The following POR variants were observed in gnomAD, a reference collection of about 807,000 sequenced individuals.
POR encodes the protein cytochrome p450 oxidoreductase.
A neutral mutation model predicts 84.0 loss-of-function variants in POR; 56 were observed. The observed-to-expected ratio is 0.67, with a 90% CI of 0.54 to 0.83. POR has a LOEUF of 0.83. Among genes scored for constraint, POR ranks in the 40% least tolerant of loss-of-function variants. POR has a pLI of 0.00. For synonymous variants in POR, 414 were observed against 400.5 expected, an observed-to-expected ratio of 1.03 and a Z score of -0.40; for missense variants, 938 against 944.3, an observed-to-expected ratio of 0.99 and a Z score of 0.09.
At chr7:75,957,412 G>A (rs550217989) in intron 2 of POR, among the ~76,000 whole-genome samples, 18 of 152,284 alleles carry the variant, frequency 1.2e-4, no homozygotes, top group Admixed American at 2.0e-4. Context: ...ATAAAAAAGC[G>A]TAGTAGTACT....
At chr7:75,962,903 C>T (rs781986547) in intron 2 of POR, among the ~76,000 whole-genome samples, 6 of 152,208 alleles carry the variant, frequency 3.9e-5, no homozygotes, top group Non-Finnish European at 8.8e-5. Flanking sequence ...CATTCCTAAG[C>T]TTCCCTTCCA....
In POR at chr7:75,962,918, G is replaced by A. The variant is rs1230184545; in HGVS notation, c.188+8738G>A. 4.6e-5 allele frequency among the ~76,000 whole-genome samples: 7 copies of A among 152,144 alleles called. 1 individual carries two copies. In the Middle Eastern group the frequency reaches 0.014, roughly 296 times the overall value. On this transcript the variant is annotated intron_variant, in intron 2 of 15. Coordinates refer to ENST00000461988, the MANE Select transcript of POR (RefSeq NM_000941.3). The stretch of plus-strand genomic sequence containing the variant: ...CATTCCTAAGCTTCCCTTCCATCCC[G>A]TTTCTTCCTTGAAACATCATTTGTA...
chr7:75,966,836 A>G (rs1242773859), intron 2 of POR, among the ~76,000 whole-genome samples: 1 of 151,430 alleles, frequency 6.6e-6, no homozygotes, highest in East Asian at 1.9e-4. Context: ...ACCCAGAAAG[A>G]CTCCTGCTCC....
chr7:75,964,094 G>A (rs1788064372), intron 2 of POR, among the ~76,000 whole-genome samples: 1 of 151,660 alleles, frequency 6.6e-6, no homozygotes, highest in Non-Finnish European at 1.5e-5. Context: ...CTGCCTCCTG[G>A]GTCCAAGTGA....
At position 75,981,502 on chromosome 7, in the gene POR, C is replaced by T; in HGVS notation, c.642-15C>T. 6.2e-7 allele frequency: 1 copy of T among 1,607,566 alleles called. No individual in the cohort carries two copies. The highest frequency in any genetic ancestry group is 8.5e-7 in the Non-Finnish European group (1 of 1,177,370). On this transcript the variant is annotated splice_polypyrimidine_tract_variant and intron_variant, in intron 6 of 15. Coordinates refer to ENST00000461988, the MANE Select transcript of POR (RefSeq NM_000941.3). The stretch of plus-strand genomic sequence containing the variant: ...CCTCCCCTGAGCCGCTCCCCCTCTC[C>T]TCTCCTCGGCCCAGCTTGGAGGAGG...
chr7:75,932,116 G>C (rs868971725), intron 1 of POR, among the ~76,000 whole-genome samples: 1 of 152,024 alleles, frequency 6.6e-6, no homozygotes, highest in South Asian at 2.1e-4. Context: ...TTGACAGTAA[G>C]TCAGGGACCT....
At chr7:75,925,439 C>T (rs1316173421) in intron 1 of POR, among the ~76,000 whole-genome samples, 2 of 152,172 alleles carry the variant, frequency 1.3e-5, no homozygotes, top group African/African-American at 4.8e-5. Flanking sequence ...GCAGGACGAT[C>T]GCTTGAGCCT....
chr7:75,985,952 T>C lies in POR; in HGVS notation c.1699T>C (p.Tyr567His). The change falls in exon 14 of 16, where the codon TAC (tyrosine) becomes CAC (histidine). Residue 567 changes from tyrosine (Y) to histidine (H), a missense_variant. Coordinates refer to ENST00000461988, the MANE Select transcript of POR (RefSeq NM_000941.3). ...GGAGGTGGGGGAGACGCTGCTGTACTACGGCTGCCGCCGCTCGGATGAGGA... is the reference window on the plus strand; with the variant it reads ...GGAGGTGGGGGAGACGCTGCTGTACCACGGCTGCCGCCGCTCGGATGAGGA... 3.1e-6 allele frequency: 5 copies of C among 1,589,122 alleles called. No individual in the cohort carries two copies. The highest frequency in any genetic ancestry group is 4.3e-6 in the Non-Finnish European group (5 of 1,169,224).
At chr7:75,982,498 C>T (rs926991564) in intron 8 of POR, among the ~76,000 whole-genome samples, 176 bp downstream of exon 8, 2 of 152,236 alleles carry the variant, frequency 1.3e-5, no homozygotes, top group African/African-American at 4.8e-5. Flanking sequence ...GACTGGCACT[C>T]GCCCAGTTTG....
At chr7:75,932,452 G>C (rs1290023836) in intron 1 of POR, among the ~76,000 whole-genome samples, 3 of 152,152 alleles carry the variant, frequency 2.0e-5, no homozygotes, top group African/African-American at 4.8e-5. Context: ...AAAGTGCTGG[G>C]ACTACAGGCA....
intron 1 of POR, among the ~76,000 whole-genome samples, chr7:75,932,305 C>G (rs1019270173): frequency 1.3e-5 from 2 of 151,934 alleles, no homozygotes; most frequent in African/African-American, 2.4e-5. Context: ...CTCAGCCCCC[C>G]GAGTAGCTAG....
intron 1 of POR, among the ~76,000 whole-genome samples, chr7:75,916,275 A>G (rs1156453725): frequency 6.6e-6 from 1 of 152,054 alleles, no homozygotes; most frequent in Non-Finnish European, 1.5e-5. Flanking sequence ...CGTTTATGGA[A>G]CCCTCTGGGG....
chr7:75,924,334 A>G (rs1807012575), intron 1 of POR, among the ~76,000 whole-genome samples: 3 of 152,202 alleles, frequency 2.0e-5, no homozygotes, highest in Admixed American at 2.0e-4. Context: ...CTGACTCTAA[A>G]TCTTTCTAGA....
chr7:75,920,317 G>A (rs1480707234), intron 1 of POR, among the ~76,000 whole-genome samples: 1 of 151,946 alleles, frequency 6.6e-6, no homozygotes, highest in South Asian at 2.1e-4. Flanking sequence ...TGATCCACCC[G>A]CCTCAGCCTC....
rs782616971 is a variant in POR, at chr7:75,985,638, C to A, written c.1458C>A (p.Gly486=). 6.3e-7 allele frequency: 1 copy of A among 1,592,500 alleles called. No homozygotes were observed. Among genetic ancestry groups the A allele is most frequent in the East Asian group, 2.3e-5 (1 of 44,014 alleles). Residue 486 remains glycine (G), a synonymous_variant, in exon 13 of 16, where the codon GGC becomes GGA. Transcript: ENST00000461988. ...TTGTGGAGTACGAGACCAAGGCTGG[C>A]CGCATCAACAAGGGCGTGGCCACCA...
rs545250546 is a variant in POR, at chr7:75,937,302, A to C, written c.-4-16687A>C. Among the ~76,000 whole-genome samples the C allele has an allele frequency of 6.5e-3, 974 of 150,638 alleles. 7 individuals are homozygous for C. The highest frequency in any genetic ancestry group is 0.019 in the African/African-American group (793 of 41,010). On this transcript the variant is annotated intron_variant, in intron 1 of 15. Coordinates refer to ENST00000461988, the MANE Select transcript of POR (RefSeq NM_000941.3). Reference sequence around the variant, plus strand: ...AAACCCCATCTCTACAAAAAAAAAAAAAAAACAAAAAAACCAAAAATTAGC... The same window carrying C: ...AAACCCCATCTCTACAAAAAAAAAACAAAAACAAAAAAACCAAAAATTAGC...
At chr7:75,955,568 C>T (rs1787650353) in intron 2 of POR, among the ~76,000 whole-genome samples, 1 of 152,234 alleles carries the variant, frequency 6.6e-6, no homozygotes, top group African/African-American at 2.4e-5. Flanking sequence ...CGAGGGAACT[C>T]CAGGGGCACG....
At chr7:75,938,346 A>G (rs1462270648) in intron 1 of POR, among the ~76,000 whole-genome samples, 1 of 152,192 alleles carries the variant, frequency 6.6e-6, no homozygotes, top group Non-Finnish European at 1.5e-5. Context: ...ACCTTCCTGT[A>G]GCAGCATTCT....
Position 75,985,857 on chromosome 7 carries a change from G to C in POR, c.1669+8G>C. 6.5e-7 allele frequency: 1 copy of C among 1,549,586 alleles called. No homozygotes were observed. Among genetic ancestry groups the C allele is most frequent in the Middle Eastern group, 1.7e-4 (1 of 5,856 alleles). ...CCTGGCTGCGACAGCAGGGTGAGTGGGGTCCCATGGGGGAGAGGGGGTGAC... is the reference window on the plus strand; with the variant it reads ...CCTGGCTGCGACAGCAGGGTGAGTGCGGTCCCATGGGGGAGAGGGGGTGAC... On this transcript the variant is annotated splice_region_variant and intron_variant, in intron 13 of 15. Transcript: ENST00000461988.
Sources: gnomAD v4.1 joint callset for allele counts (sites outside exome capture counted in the v4.1 genomes callset) on GRCh38, gnomAD v4.1.1 for gene constraint, MANE v1.5 for transcripts, NCBI Gene and HGNC (gene_info 2026-07-23, HGNC 2026-07-21) for gene names.